The following CYRIA variants were observed in gnomAD, a reference collection of about 807,000 sequenced individuals.
CYRIA encodes the protein CYFIP-related Rac1 interactor A.
Under a neutral mutation model 43.9 loss-of-function variants are expected in CYRIA, and 15 were observed. The ratio of observed to expected loss-of-function variants is 0.34; its 90% CI spans 0.23 to 0.53. The LOEUF is 0.53. Ranked by LOEUF, CYRIA falls within the 20% of genes least tolerant of loss-of-function variation. The pLI, the probability that CYRIA is intolerant of heterozygous loss-of-function variation, is 0.94. For synonymous variants in CYRIA, 117 were observed against 136.0 expected (o/e 0.86, Z 0.97); for missense variants, 236 against 394.2 (o/e 0.60, Z 3.40).
At chr2:16,554,705 G>T (rs1666443669) in intron 11 of CYRIA, among the ~76,000 whole-genome samples, 1 of 152,118 alleles carries the variant, frequency 6.6e-6, no homozygotes, top group African/African-American at 2.4e-5. Context: ...GGAACCACTG[G>T]TAAAGTGGAA....
intron 2 of CYRIA, among the ~76,000 whole-genome samples, chr2:16,592,597 G>A (rs865802871): frequency 1.2e-4 from 18 of 152,108 alleles, no homozygotes; most frequent in African/African-American, 3.4e-4. Context: ...CCCATGCATC[G>A]TAAGCTGGGA....
At chr2:16,593,125 T>C (rs1305362778) in intron 2 of CYRIA, among the ~76,000 whole-genome samples, 2 of 152,204 alleles carry the variant, frequency 1.3e-5, no homozygotes, top group Non-Finnish European at 2.9e-5. Flanking sequence ...AAATATTACC[T>C]ATAATTGTTC....
chr2:16,600,353 C>G (rs890125736), intron 2 of CYRIA, among the ~76,000 whole-genome samples: 1 of 152,288 alleles, frequency 6.6e-6, no homozygotes, highest in South Asian at 2.1e-4. Context: ...GCCTATCCCA[C>G]GAAAAGGCAA....
At chr2:16,574,341 A>G (rs1467057173) in intron 3 of CYRIA, among the ~76,000 whole-genome samples, 1 of 152,222 alleles carries the variant, frequency 6.6e-6, no homozygotes. Flanking sequence ...ACAGAGCATA[A>G]AAGTTTGGAA....
intron 3 of CYRIA, among the ~76,000 whole-genome samples, chr2:16,570,849 A>G (rs960214277): frequency 2.0e-5 from 3 of 152,194 alleles, no homozygotes; most frequent in Non-Finnish European, 2.9e-5. Context: ...TTCTTTGGTA[A>G]TGTTCCTTCT....
At chr2:16,644,312 CTG>C (rs1189003017) in intron 1 of CYRIA, among the ~76,000 whole-genome samples, 6 of 152,292 alleles carry the variant, frequency 3.9e-5, no homozygotes, top group Middle Eastern at 3.4e-3. Context: ...CAATTAGTTG[CTG>C]TGTCTGTCCC....
Position 16,565,650 on chromosome 2 carries a change from C to T in CYRIA, c.188G>A (p.Arg63Gln). The T allele has an allele frequency of 1.9e-6, 3 of 1,564,258 alleles. No individual in the cohort carries two copies. Among genetic ancestry groups the T allele is most frequent in the Non-Finnish European group, 2.6e-6 (3 of 1,143,918 alleles). Residue 63 changes from arginine to glutamine, a missense_variant, in exon 4 of 12, where the codon CGA becomes CAA. Arg to Gln is a conservative substitution (Grantham distance 43). Transcript: ENST00000381323. ...TCAGCGTGATCATTGACATACATCT[C>T]GGATCTCTGGGCCTGCGCCTTTGTA... ...QAYKGAGPEI[R>Q]DAIQNPNDIQ...
At chr2:16,654,327 G>A (rs1670047363) in intron 1 of CYRIA, among the ~76,000 whole-genome samples, 1 of 152,168 alleles carries the variant, frequency 6.6e-6, no homozygotes, top group South Asian at 2.1e-4. Flanking sequence ...GGAATACATG[G>A]TCAAAGTTTG....
chr2:16,565,687 C>G lies in CYRIA; in HGVS notation c.151G>C (p.Asp51His). Reference protein sequence around the residue: ...VLQDSESILADLQAYKGAGPE... With the variant: ...VLQDSESILAHLQAYKGAGPE... ...CCTGCGCCTTTGTAAGCCTGCAGGT[C>G]TGCAAGGATGCTCTCAGAATCCTGA... is the stretch of plus-strand genomic sequence containing the variant. The change falls in exon 4 of 12, where the codon GAC becomes CAC. Residue 51 changes from aspartate (D) to histidine (H), a missense_variant. Asp to His is a moderately conservative substitution (Grantham distance 81). This residue lies in a region of CYRIA where 193 missense variants were observed against 303.9 expected (regional missense o/e 0.64). Coordinates refer to ENST00000381323, the MANE Select transcript of CYRIA (RefSeq NM_030797.4). 6.3e-7 allele frequency: 1 copy of G among 1,593,662 alleles called. No homozygotes were observed. Among genetic ancestry groups the G allele is most frequent in the Non-Finnish European group, 8.6e-7 (1 of 1,164,170 alleles).
chr2:16,632,607 G>C (rs1429983466), intron 1 of CYRIA, among the ~76,000 whole-genome samples: 4 of 152,160 alleles, frequency 2.6e-5, no homozygotes, highest in Non-Finnish European at 4.4e-5. Flanking sequence ...CTTCATCTTT[G>C]TGGGAAGAGC....
chr2:16,647,091 A>G (rs1184036210), intron 1 of CYRIA, among the ~76,000 whole-genome samples: 1 of 152,214 alleles, frequency 6.6e-6, no homozygotes, highest in African/African-American at 2.4e-5. Context: ...ATCCGTATCT[A>G]TCTCCTATTG....
intron 1 of CYRIA, among the ~76,000 whole-genome samples, chr2:16,648,803 T>C (rs1011310512): frequency 6.6e-6 from 1 of 152,154 alleles, no homozygotes; most frequent in Non-Finnish European, 1.5e-5. Context: ...TAGGGGTGGG[T>C]GACACAAAAT....
intron 4 of CYRIA, among the ~76,000 whole-genome samples, chr2:16,565,093 T>C (rs1445207526): frequency 1.3e-5 from 2 of 152,146 alleles, no homozygotes; most frequent in Non-Finnish European, 1.5e-5. Flanking sequence ...CACTTGTGTG[T>C]TTGAGAAGAG....
At position 16,550,559 on chromosome 2, in the gene CYRIA, T is replaced by C. The variant is rs1339446755; in HGVS notation, c.*2377A>G. The C allele has an allele frequency of 6.6e-6, 1 of 152,140 alleles. No individual in the cohort carries two copies. Among genetic ancestry groups the C allele is most frequent in the Non-Finnish European group, 1.5e-5 (1 of 68,018 alleles). The allele number at this position is 152,140 out of a possible 1,614,324, so 9.4% of individuals were successfully genotyped here. On this transcript the variant is annotated 3_prime_UTR_variant, in exon 12 of 12. Transcript: ENST00000381323. The stretch of plus-strand genomic sequence containing the variant: ...TGAGACAAGACAAGTCTTGGCTAAA[T>C]TGAGGCAGGACAGCAGCCCCTTCCA...
chr2:16,623,422 A>G (rs1669062904), intron 2 of CYRIA, among the ~76,000 whole-genome samples: 1 of 152,182 alleles, frequency 6.6e-6, no homozygotes, highest in Non-Finnish European at 1.5e-5. Flanking sequence ...GCGCCCTTGG[A>G]TGAAACTTCA....
intron 1 of CYRIA, among the ~76,000 whole-genome samples, chr2:16,637,042 C>G (rs183039792): frequency 1.3e-5 from 2 of 152,244 alleles, no homozygotes; most frequent in African/African-American, 4.8e-5. Context: ...ATCTCCTGGG[C>G]TGAGTTTGGC....
At chr2:16,647,451 C>T (rs1181082661) in intron 1 of CYRIA, among the ~76,000 whole-genome samples, 1 of 152,196 alleles carries the variant, frequency 6.6e-6, no homozygotes, top group Non-Finnish European at 1.5e-5. Flanking sequence ...GTAAGCTCCT[C>T]TTTCTCATCT....
chr2:16,608,607 T>A lies in CYRIA; in HGVS notation c.-11+15257A>T, dbSNP rs149620232. Among the ~76,000 whole-genome samples the A allele has an allele frequency of 4.6e-3, 695 of 152,352 alleles. 2 individuals carry two copies. The highest frequency in any genetic ancestry group is 6.0e-3 in the Non-Finnish European group (410 of 68,030). On this transcript the variant is annotated intron_variant, in intron 2 of 11. Coordinates refer to ENST00000381323, the MANE Select transcript of CYRIA (RefSeq NM_030797.4). ...GGGAGAGTCATTGGACTCTTTTGAA[T>A]CTGAGTTTCCCTTGTTAGTAAAATG...
In CYRIA at chr2:16,644,885, C is replaced by A. The variant is rs190801486; in HGVS notation, c.-166-20866G>T. On this transcript the variant is annotated intron_variant, in intron 1 of 11. Coordinates refer to ENST00000381323, the MANE Select transcript of CYRIA (RefSeq NM_030797.4). ...CAACCCCCCACACACGGAGCCACAA[C>A]CACTCAGTCTCATAGCAGACGGCAG... is the stretch of plus-strand genomic sequence containing the variant. Among the ~76,000 whole-genome samples, 160 of 152,290 alleles carry A rather than the reference C, an allele frequency of 1.1e-3. 2 individuals are homozygous for A. Among genetic ancestry groups the A allele is most frequent in the Middle Eastern group, 0.01 (3 of 294 alleles).
Sources: gnomAD v4.1 joint callset for allele counts (sites outside exome capture counted in the v4.1 genomes callset) on GRCh38, gnomAD v4.1.1 for gene constraint, gnomAD v4.1.1 regional missense constraint, MANE v1.5 for transcripts, NCBI Gene and HGNC (gene_info 2026-07-23, HGNC 2026-07-21) for gene names.